SMC3: variants seen among roughly 807,000 people sequenced by gnomAD.
The protein encoded by SMC3 is structural maintenance of chromosomes protein 3.
Under a neutral mutation model 171.8 loss-of-function variants are expected in SMC3, and 20 were observed. That is an observed-to-expected ratio of 0.12 (90% confidence interval 0.08 to 0.17). The LOEUF (loss-of-function observed/expected upper bound fraction) is 0.17. Among genes scored for constraint, SMC3 ranks in the 10% least tolerant of loss-of-function variants. The pLI is 1.00. For missense variants in SMC3, 543 were observed against 1,420.4 expected (o/e 0.38, Z 9.93); for synonymous variants, 464 against 451.1 (o/e 1.03, Z -0.36).
intron 13 of SMC3, among the ~76,000 whole-genome samples, chr10:110,588,020 C>T (rs923695369): frequency 6.6e-6 from 1 of 152,176 alleles, no homozygotes; most frequent in African/African-American, 2.4e-5. Context: ...GAGACAGAGT[C>T]TCGCTGTGTC....
rs899951965 is a variant in SMC3, at chr10:110,580,975, G to A, written c.501G>A (p.Val167=). 6.2e-7 allele frequency: 1 copy of A among 1,608,078 alleles called. No homozygotes were observed. The highest frequency in any genetic ancestry group is 8.5e-7 in the Non-Finnish European group (1 of 1,174,502). ...TAAGAGAAGTAGCTGGTACTAGAGT[G>A]TATGACGAACGAAAGGAAGAAAGCA... ...KLLREVAGTR[V]YDERKEESIS... is the part of the protein sequence containing the mutation. Residue 167 remains valine (V), a synonymous_variant, in exon 8 of 29, where the codon GTG becomes GTA. Coordinates refer to ENST00000361804, the MANE Select transcript of SMC3 (RefSeq NM_005445.4).
Position 110,578,659 on chromosome 10 carries a change from G to T in SMC3, c.382G>T (p.Ala128Ser). 1 of 1,610,680 alleles carries T rather than the reference G, an allele frequency of 6.2e-7. No homozygotes were observed. The highest frequency in any genetic ancestry group is 8.5e-7 in the Non-Finnish European group (1 of 1,177,960). Residue 128 changes from alanine to serine, a missense_variant, in exon 7 of 29, where the codon GCT becomes TCT. Physicochemically the swap from Ala to Ser is moderately conservative, Grantham distance 99. Coordinates refer to ENST00000361804, the MANE Select transcript of SMC3 (RefSeq NM_005445.4). ...KNDVMNLLES[A>S]GFSRSNPYYI... Reference sequence around the variant, plus strand: ...TGATGTGATGAACCTCCTTGAAAGCGCTGGTTTTTCTCGAAGCAATCCTTA... The same window carrying T: ...TGATGTGATGAACCTCCTTGAAAGCTCTGGTTTTTCTCGAAGCAATCCTTA...
intron 18 of SMC3, 95 bp from the exon 19 acceptor site, chr10:110,596,299 TTATC>T (rs1861299539): frequency 9.0e-7 from 1 of 1,115,788 alleles, no homozygotes; most frequent in Non-Finnish European, 1.3e-6. Flanking sequence ...TCAATTCTCA[TTATC>T]TACTTAAAGC....
rs1860791904 is a variant in SMC3, at chr10:110,567,716, G to A, written c.-101G>A. On this transcript the variant is annotated 5_prime_UTR_variant, in exon 1 of 29. Coordinates refer to ENST00000361804, the MANE Select transcript of SMC3 (RefSeq NM_005445.4). ...TTTTGTTTGGCTGAGGGGAGCGAGC[G>A]GCGCTTTGGGGGAGGGGTCGCGTAG... 8.3e-6 allele frequency: 12 copies of A among 1,438,624 alleles called. No homozygotes were observed. The highest frequency in any genetic ancestry group is 2.1e-4 in the Middle Eastern group (1 of 4,832). 89.1% of individuals were successfully genotyped at this position (1,438,624 alleles called of 1,614,324 possible).
At chr10:110,570,076 G>C (rs373988344) in intron 2 of SMC3, among the ~76,000 whole-genome samples, 60 of 152,148 alleles carry the variant, frequency 3.9e-4, no homozygotes, top group African/African-American at 1.4e-3. Flanking sequence ...AGACATCCAT[G>C]ATCAGGATAC....
chr10:110,604,178 A>G lies in SMC3; in HGVS notation c.3583-53A>G, dbSNP rs146160620. Reference sequence around the variant, plus strand: ...AGGCTGTATATATTTACCCTATACAATGTAAACACTGATGTAATTAACAGA... The same window carrying G: ...AGGCTGTATATATTTACCCTATACAGTGTAAACACTGATGTAATTAACAGA... On this transcript the variant is annotated intron_variant, in intron 28 of 28. Transcript: ENST00000361804. 23 of 1,073,742 alleles carry G rather than the reference A, an allele frequency of 2.1e-5. No individual in the cohort carries two copies. In the East Asian group the frequency reaches 3.8e-4, roughly 18 times the overall value. The allele number at this position is 1,073,742 out of a possible 1,614,324, so 66.5% of individuals were successfully genotyped here. A position where few individuals can be genotyped will look rare whatever the true frequency, so the allele number is the denominator to read the frequency against.
chr10:110,573,102 T>A (rs1336705679), intron 2 of SMC3, among the ~76,000 whole-genome samples: 1 of 152,136 alleles, frequency 6.6e-6, no homozygotes. Flanking sequence ...GGCTCAAGAG[T>A]GAGAAGACTG....
chr10:110,571,189 A>T (rs1318942413), intron 2 of SMC3, among the ~76,000 whole-genome samples: 2 of 150,786 alleles, frequency 1.3e-5, no homozygotes, highest in African/African-American at 2.5e-5. Flanking sequence ...ATGATTCTTC[A>T]GAGATAACCA....
At chr10:110,582,313 T>C (rs1028754526) in intron 9 of SMC3, among the ~76,000 whole-genome samples, 10 of 151,796 alleles carry the variant, frequency 6.6e-5, no homozygotes, top group Non-Finnish European at 1.5e-4. Context: ...CAGATGGTGG[T>C]ATTAGGCAGA....
At chr10:110,601,416 T>A (rs186589756) in intron 23 of SMC3, among the ~76,000 whole-genome samples, 2 of 152,320 alleles carry the variant, frequency 1.3e-5, no homozygotes, top group East Asian at 3.9e-4. Context: ...ATAACTATAG[T>A]TTATAAGCAT....
intron 27 of SMC3, 42 bp downstream of exon 27, chr10:110,603,044 G>A (rs762447825): frequency 6.2e-7 from 1 of 1,602,062 alleles, no homozygotes; most frequent in South Asian, 1.1e-5. Context: ...TTAACAATAA[G>A]CTGGTAATAT....
At chr10:110,593,400 T>G (rs1861238738) in intron 18 of SMC3, among the ~76,000 whole-genome samples, 177 bp downstream of exon 18, 1 of 151,718 alleles carries the variant, frequency 6.6e-6, no homozygotes, top group Non-Finnish European at 1.5e-5. Context: ...GGCGAAACCC[T>G]GTCTCCATTA....
rs1307394925 is a variant in SMC3 at position 110,604,194 on chromosome 10, A to G, written c.3583-37A>G. Reference sequence around the variant, plus strand: ...CCCTATACAATGTAAACACTGATGTAATTAACAGATTTTTGTTTTTAACAT... The same window carrying G: ...CCCTATACAATGTAAACACTGATGTGATTAACAGATTTTTGTTTTTAACAT... On this transcript the variant is annotated intron_variant, in intron 28 of 28. Transcript: ENST00000361804. 5 of 1,316,540 alleles carry G rather than the reference A, an allele frequency of 3.8e-6. No homozygotes were observed. In the African/African-American group the frequency reaches 5.8e-5, roughly 15 times the overall value. The allele number at this position is 1,316,540 out of a possible 1,614,324, so 81.6% of individuals were successfully genotyped here. A position where few individuals can be genotyped will look rare whatever the true frequency, so the allele number is the denominator to read the frequency against.
chr10:110,584,003 AT>A, intron 12 of SMC3, 41 bp downstream of exon 12: 1 of 1,609,262 alleles, frequency 6.2e-7, no homozygotes, highest in Non-Finnish European at 8.5e-7. Flanking sequence ...TCTACATCAT[AT>A]TATGTAAAAC....
rs1860796586 is a variant in SMC3, at chr10:110,567,839, C to T, written c.15+8C>T. 2 of 1,613,444 alleles carry T rather than the reference C, an allele frequency of 1.2e-6. No individual in the cohort carries two copies. The highest frequency in any genetic ancestry group is 1.7e-6 in the Non-Finnish European group (2 of 1,179,742). ...ATCATGTACATAAAGCAGGTAAGGC[C>T]TTCGCGTCCCTCCACCCCGTCATGG... On this transcript the variant is annotated splice_region_variant and intron_variant, in intron 1 of 28. Coordinates refer to ENST00000361804, the MANE Select transcript of SMC3 (RefSeq NM_005445.4).
At chr10:110,584,129 A>G (rs1177095921) in intron 12 of SMC3, 54 bp from the exon 13 acceptor site, 7 of 1,562,856 alleles carry the variant, frequency 4.5e-6, no homozygotes, top group Admixed American at 1.7e-5. Context: ...ATTGGTTGCA[A>G]TTAAACTTGG....
At chr10:110,582,502 T>C in intron 9 of SMC3, 60 bp from the exon 10 acceptor site, 1 of 1,180,592 alleles carries the variant, frequency 8.5e-7, no homozygotes, top group South Asian at 1.4e-5. Context: ...TTATTAGATG[T>C]TATGAAATAT....
intron 17 of SMC3, 83 bp from the exon 18 acceptor site, chr10:110,592,990 A>G (rs755497227): frequency 8.6e-7 from 1 of 1,168,832 alleles, no homozygotes; most frequent in Non-Finnish European, 1.3e-6. Context: ...GTTTATTTGT[A>G]TTTCATAAAG....
At chr10:110,596,676 G>A in intron 19 of SMC3, 126 bp downstream of exon 19, 1 of 879,438 alleles carries the variant, frequency 1.1e-6, no homozygotes, top group East Asian at 2.7e-5. Flanking sequence ...AAGAGCTTAT[G>A]TTTGTTTAGC....
Sources: allele counts gnomAD v4.1 joint callset (sites outside exome capture counted in the v4.1 genomes callset), GRCh38; gene constraint gnomAD v4.1.1; transcripts MANE v1.5; gene names NCBI Gene and HGNC (gene_info 2026-07-23, HGNC 2026-07-21).